ROBO2: variants seen among roughly 807,000 people sequenced by gnomAD.
ROBO2 encodes roundabout homolog 2.
Under a neutral mutation model 160.8 loss-of-function variants are expected in ROBO2, and 53 were observed. The observed-to-expected ratio is 0.33, with a 90% confidence interval of 0.26 to 0.41. ROBO2 has a LOEUF of 0.41. Ranked by LOEUF, ROBO2 falls within the 10% of genes least tolerant of loss-of-function variation. The pLI is 1.00. For synonymous variants in ROBO2, 664 were observed against 611.7 expected (o/e 1.09, Z -1.26); for missense variants, 1,577 against 1,722.4 (o/e 0.92, Z 1.49).
In ROBO2 at chr3:76,119,916, C is replaced by CCCTTCCTTCCTTCCTTCCTT. The variant is rs551169822; in HGVS notation, c.109+182354_109+182373dup. ...CCTTCCTTCCCTTCCTTCCCTCCCT[C>CCCTTCCTTCCTTCCTTCCTT]CCTTCCTTCCTTCCTTCCTTCCTTC... On this transcript the variant is annotated intron_variant, in intron 2 of 26. Coordinates refer to the ROBO2 transcript ENST00000487694. 1.8e-3 allele frequency among the ~76,000 whole-genome samples: 160 copies of CCCTTCCTTCCTTCCTTCCTT among 88,170 alleles called. 2 individuals carry two copies. The highest frequency in any genetic ancestry group is 2.8e-3 in the Non-Finnish European group (128 of 45,700). 57.8% of individuals were successfully genotyped at this position (88,170 alleles called of 152,430 possible).
At chr3:76,629,494 C>G (rs1009289727) in intron 2 of ROBO2, among the ~76,000 whole-genome samples, 3 of 152,152 alleles carry the variant, frequency 2.0e-5, no homozygotes, top group Non-Finnish European at 4.4e-5. Context: ...AGGAAGCATC[C>G]TGCATGCAGA....
intron 2 of ROBO2, among the ~76,000 whole-genome samples, chr3:76,553,623 GAACATTTAAA>G (rs1000483031): frequency 6.6e-6 from 1 of 152,044 alleles, no homozygotes; most frequent in Non-Finnish European, 1.5e-5. Flanking sequence ...ATGGATCCTG[GAACATTTAAA>G]ATTATCAAAA....
At chr3:76,962,446 C>T (rs1023837239) in intron 2 of ROBO2, among the ~76,000 whole-genome samples, 15 of 151,930 alleles carry the variant, frequency 9.9e-5, no homozygotes, top group Non-Finnish European at 1.8e-4. Context: ...CGAGACCAGC[C>T]TGACCAACAT....
intron 2 of ROBO2, among the ~76,000 whole-genome samples, chr3:76,021,990 T>C (rs780684790): frequency 2.4e-4 from 37 of 151,648 alleles, no homozygotes; most frequent in Non-Finnish European, 4.9e-4. Context: ...CAAACCCAAA[T>C]TCTGCCACTG....
intron 2 of ROBO2, among the ~76,000 whole-genome samples, chr3:76,677,633 A>C (rs201467509): frequency 6.6e-6 from 1 of 152,098 alleles, no homozygotes; most frequent in East Asian, 1.9e-4. Context: ...AGAAAAATCC[A>C]TCTCTTCTTC....
chr3:76,067,302 A>G (rs2107931744), intron 2 of ROBO2, among the ~76,000 whole-genome samples: 1 of 152,314 alleles, frequency 6.6e-6, no homozygotes, highest in East Asian at 1.9e-4. Flanking sequence ...TCAAAGGAGG[A>G]CAATATCTGC....
chr3:77,265,807 A>T (rs569948746), intron 2 of ROBO2, among the ~76,000 whole-genome samples: 1 of 152,280 alleles, frequency 6.6e-6, no homozygotes, highest in East Asian at 1.9e-4. Context: ...CTCATACTAA[A>T]TCATGCCTGT....
chr3:76,788,456 G>A (rs1444266401), intron 2 of ROBO2, among the ~76,000 whole-genome samples: 1 of 151,426 alleles, frequency 6.6e-6, no homozygotes, highest in South Asian at 2.1e-4. Context: ...CCTCAGGGAA[G>A]TTAATGTGTC....
chr3:76,221,730 T>G (rs1703981362), intron 2 of ROBO2, among the ~76,000 whole-genome samples: 1 of 152,200 alleles, frequency 6.6e-6, no homozygotes, highest in Admixed American at 6.5e-5. Flanking sequence ...ACCGATGGAC[T>G]TCATGACCAT....
intron 2 of ROBO2, among the ~76,000 whole-genome samples, chr3:76,080,825 T>A (rs1361232212): frequency 6.6e-6 from 1 of 152,230 alleles, no homozygotes; most frequent in Admixed American, 6.5e-5. Flanking sequence ...AGATCATCTT[T>A]TTCTTTGCGG....
At chr3:76,832,331 A>G (rs2067161584) in intron 2 of ROBO2, among the ~76,000 whole-genome samples, 1 of 152,204 alleles carries the variant, frequency 6.6e-6, no homozygotes, top group Non-Finnish European at 1.5e-5. Context: ...GTTAAAATCA[A>G]TATGAAATTA....
chr3:77,336,417 C>T (rs578141651), intron 2 of ROBO2, among the ~76,000 whole-genome samples: 1 of 147,052 alleles, frequency 6.8e-6, no homozygotes, highest in Admixed American at 6.7e-5. Context: ...TTTGGAACTT[C>T]CTTATTTCAT....
intron 2 of ROBO2, among the ~76,000 whole-genome samples, chr3:76,594,275 T>C (rs1412642013): frequency 6.6e-6 from 1 of 152,160 alleles, no homozygotes; most frequent in East Asian, 1.9e-4. Context: ...CCTAATGCTT[T>C]GCTCTCAGTC....
chr3:75,926,622 C>T (rs184534371), intron 1 of ROBO2, among the ~76,000 whole-genome samples: 1 of 152,160 alleles, frequency 6.6e-6, no homozygotes, highest in East Asian at 1.9e-4. Context: ...CAACATTTGC[C>T]CTGTTTAAAG....
chr3:76,268,060 A>G (rs1707203972), intron 2 of ROBO2, among the ~76,000 whole-genome samples: 1 of 152,190 alleles, frequency 6.6e-6, no homozygotes. Context: ...AAAAGCTGTA[A>G]GTGACCACCC....
At chr3:76,611,073 G>C (rs1227204523) in intron 2 of ROBO2, among the ~76,000 whole-genome samples, 3 of 152,158 alleles carry the variant, frequency 2.0e-5, no homozygotes, top group Non-Finnish European at 4.4e-5. Context: ...TGGTTCATGG[G>C]TGGGCGTGGA....
chr3:76,181,529 A>G (rs1028727806), intron 2 of ROBO2, among the ~76,000 whole-genome samples: 2 of 152,164 alleles, frequency 1.3e-5, no homozygotes, highest in Non-Finnish European at 2.9e-5. Context: ...TGTGATAACT[A>G]GCGTACATTT....
chr3:76,413,618 A>C (rs568160363), intron 2 of ROBO2, among the ~76,000 whole-genome samples: 1 of 152,220 alleles, frequency 6.6e-6, no homozygotes, highest in African/African-American at 2.4e-5. Flanking sequence ...AACAAGAGTC[A>C]CCTTCACTCC....
chr3:75,969,617 A>G (rs963625932), intron 2 of ROBO2, among the ~76,000 whole-genome samples: 1 of 151,572 alleles, frequency 6.6e-6, no homozygotes, highest in Non-Finnish European at 1.5e-5. Context: ...TTGTGAAGTG[A>G]TATAGTTGTT....
Sources: allele counts gnomAD v4.1 joint callset (sites outside exome capture counted in the v4.1 genomes callset), GRCh38; gene constraint gnomAD v4.1.1; transcripts MANE v1.5; gene names NCBI Gene and HGNC (gene_info 2026-07-23, HGNC 2026-07-21).